Variants in LIPJ observed in about 807,000 individuals in gnomAD.
The protein encoded by LIPJ is lipase member J.
Under a neutral mutation model 39.8 loss-of-function variants are expected in LIPJ, and 33 were observed. That is an observed-to-expected ratio of 0.83 (90% CI 0.63 to 1.11). The LOEUF (loss-of-function observed/expected upper bound fraction) is 1.11, where lower values mean the gene tolerates loss of function less well. LIPJ is among the 50% of genes least tolerant of loss of function. The pLI is 0.00. For missense variants in LIPJ, 422 were observed against 427.9 expected (o/e 0.99, Z 0.12); for synonymous variants, 128 against 139.2 (o/e 0.92, Z 0.57).
At chr10:88,609,126 T>G (rs1851721315), downstream of LIPJ, among the ~76,000 whole-genome samples, 1 of 152,242 alleles carries the variant, frequency 6.6e-6, no homozygotes, top group South Asian at 2.1e-4. Flanking sequence ...TTGTGCATTT[T>G]GTCCAATTCT....
At chr10:88,591,260 C>A in intron 3 of LIPJ, 118 bp from the exon 4 acceptor site, 1 of 640,268 alleles carries the variant, frequency 1.6e-6, no homozygotes, top group Non-Finnish European at 2.5e-6. Context: ...AATAGATAGG[C>A]TTGAGGTTGA....
the LIPJ span, among the ~76,000 whole-genome samples, chr10:88,620,555 G>A: frequency 6.6e-6 from 1 of 152,066 alleles, no homozygotes; most frequent in African/African-American, 2.4e-5. Flanking sequence ...ACAAAAGGAT[G>A]CTCAACATCA....
chr10:88,583,132 A>AGCAGC, upstream of LIPJ: 1 of 1,614,114 alleles, frequency 6.2e-7, no homozygotes, highest in Non-Finnish European at 8.5e-7. Context: ...CTGCCTCCTC[A>AGCAGC]GCAGCGCAGC....
chr10:88,583,492 C>A, upstream of LIPJ: 2 of 1,251,274 alleles, frequency 1.6e-6, no homozygotes, highest in Non-Finnish European at 2.0e-6. Flanking sequence ...ATGGTGTGGG[C>A]TATTGTTGGG....
At chr10:88,585,628 G>C (rs559354050), upstream of LIPJ, 5 of 151,832 alleles carry the variant, frequency 3.3e-5, no homozygotes, top group South Asian at 1.0e-3. Context: ...CAAGCCATTA[G>C]GTTTTTTTTT....
chr10:88,616,665 G>A, the LIPJ span, among the ~76,000 whole-genome samples: 1 of 152,168 alleles, frequency 6.6e-6, no homozygotes, highest in South Asian at 2.1e-4. Flanking sequence ...AGACTCTGAC[G>A]GAGCACTACA....
upstream of LIPJ, chr10:88,583,482 A>G: frequency 1.6e-6 from 2 of 1,288,146 alleles, 1 homozygote; most frequent in South Asian, 3.4e-5. Context: ...AAGCCTGGAA[A>G]TGGTGTGGGC....
chr10:88,590,757 T>G (rs552012286), intron 3 of LIPJ, 61 bp downstream of exon 3: 1 of 1,371,540 alleles, frequency 7.3e-7, no homozygotes, highest in African/African-American at 1.4e-5. Context: ...CTTTTCAAAT[T>G]TGGAATTTTA....
the LIPJ span, among the ~76,000 whole-genome samples, chr10:88,613,602 G>C: frequency 6.6e-6 from 1 of 151,486 alleles, no homozygotes; most frequent in Non-Finnish European, 1.5e-5. Flanking sequence ...GAATCTCTAA[G>C]ATTCCATTTA....
At chr10:88,583,119 C>G, upstream of LIPJ, 1 of 1,614,140 alleles carries the variant, frequency 6.2e-7, no homozygotes, top group East Asian at 2.2e-5. Flanking sequence ...AGGGACCGGA[C>G]GTCTGCCTCC....
In LIPJ at chr10:88,605,710, T is replaced by A. The variant is rs186550627; in HGVS notation, c.867+6T>A. Reference sequence around the variant, plus strand: ...ACTTGGTTCATTATAATCAGGTACATAATTCTCTATAAAAACTCTCTACCT... The same window carrying A: ...ACTTGGTTCATTATAATCAGGTACAAAATTCTCTATAAAAACTCTCTACCT... On this transcript the variant is annotated splice_donor_region_variant and intron_variant, in intron 10 of 10. Coordinates refer to ENST00000371939, the Ensembl canonical transcript of LIPJ. The A allele has an allele frequency of 2.9e-4, 459 of 1,586,222 alleles. No homozygotes were observed. The highest frequency in any genetic ancestry group is 3.7e-4 in the Non-Finnish European group (422 of 1,155,912).
exon 9 of LIPJ, chr10:88,602,613 G>A: frequency 6.3e-7 from 1 of 1,587,920 alleles, no homozygotes; most frequent in South Asian, 1.1e-5. Context: ...AACCCAGCAG[G>A]AACATCTGTT....
intron 3 of LIPJ, among the ~76,000 whole-genome samples, chr10:88,591,016 C>T (rs1363633518): frequency 6.6e-6 from 1 of 151,636 alleles, no homozygotes; most frequent in Admixed American, 6.6e-5. Context: ...CATAGACATG[C>T]AAACATTTAT....
chr10:88,606,940 A>G, exon 11 of LIPJ: 1 of 1,418,984 alleles, frequency 7.0e-7, no homozygotes. Flanking sequence ...AAAGATCTAC[A>G]TCATTCCTAA....
At chr10:88,600,048 T>A (rs957302482) in intron 8 of LIPJ, among the ~76,000 whole-genome samples, 1 of 152,058 alleles carries the variant, frequency 6.6e-6, no homozygotes, top group African/African-American at 2.4e-5. Context: ...TTGTTACTGC[T>A]CTAAGAAATA....
At chr10:88,617,488 T>C in the LIPJ span, among the ~76,000 whole-genome samples, 2 of 152,250 alleles carry the variant, frequency 1.3e-5, no homozygotes, top group African/African-American at 2.4e-5. Context: ...CATTCTGCAA[T>C]GGTCCAGAAA....
At chr10:88,593,786 G>A in intron 4 of LIPJ, 160 bp from the exon 5 acceptor site, 2 of 604,408 alleles carry the variant, frequency 3.3e-6, no homozygotes, top group Non-Finnish European at 2.9e-6. Context: ...AAACAGCTCT[G>A]TCATACAACG....
In LIPJ at chr10:88,591,507, C is replaced by T. The variant is rs756684820; in HGVS notation, c.130+9C>T. 6.3e-7 allele frequency: 1 copy of T among 1,591,050 alleles called. No individual in the cohort carries two copies. Among genetic ancestry groups the T allele is most frequent in the East Asian group, 2.3e-5 (1 of 44,104 alleles). ...CAATAATAAAAATCTAGGTAATATT[C>T]AATTGAAGATGGATTGGTGACAATC... On this transcript the variant is annotated intron_variant, in intron 4 of 10. Coordinates refer to ENST00000371939, the Ensembl canonical transcript of LIPJ.
exon 4 of LIPJ, chr10:88,591,450 G>A (rs533523718): frequency 6.3e-7 from 1 of 1,599,662 alleles, no homozygotes; most frequent in South Asian, 1.1e-5. Flanking sequence ...TTATATCCTT[G>A]GCCTTTATAG....
Sources: allele counts gnomAD v4.1 joint callset (sites outside exome capture counted in the v4.1 genomes callset), GRCh38; gene constraint gnomAD v4.1.1; transcripts MANE v1.5; gene names NCBI Gene and HGNC (gene_info 2026-07-23, HGNC 2026-07-21).